ARID4A: variants seen among roughly 807,000 people sequenced by gnomAD.
ARID4A encodes AT-rich interaction domain 4A.
ARID4A carries 39 observed loss-of-function variants against 148.6 expected under a neutral mutation model. That is an observed-to-expected ratio of 0.26 (90% CI 0.20 to 0.34). ARID4A has a LOEUF of 0.34. ARID4A is among the 10% of genes least tolerant of loss of function. The pLI, the probability that ARID4A is intolerant of heterozygous loss-of-function variation, is 1.00. For synonymous variants in ARID4A, 475 were observed against 481.2 expected, an observed-to-expected ratio of 0.99 and a Z score of 0.17; for missense variants, 1,265 against 1,449.1, an observed-to-expected ratio of 0.87 and a Z score of 2.06.
intron 11 of ARID4A, among the ~76,000 whole-genome samples, chr14:58,337,246 TTA>T (rs57605969): frequency 0.025 from 2,056 of 83,790 alleles, 211 homozygotes; most frequent in African/African-American, 0.077. Flanking sequence ...TTCTCTTTAT[TTA>T]TATATATATA....
intron 23 of ARID4A, among the ~76,000 whole-genome samples, chr14:58,368,607 A>G (rs2035460917): frequency 6.6e-6 from 1 of 152,158 alleles, no homozygotes; most frequent in Admixed American, 6.5e-5. Flanking sequence ...ATAGGACAAA[A>G]CTATTCTTAA....
At chr14:58,301,511 T>A in intron 2 of ARID4A, 69 bp from the exon 3 acceptor site, 1 of 1,065,308 alleles carries the variant, frequency 9.4e-7, no homozygotes, top group African/African-American at 1.6e-5. Flanking sequence ...CACAACCTTT[T>A]AATGAGACTT....
intron 18 of ARID4A, among the ~76,000 whole-genome samples, chr14:58,359,836 G>T (rs1271939215): frequency 6.6e-6 from 1 of 152,148 alleles, no homozygotes; most frequent in African/African-American, 2.4e-5. Flanking sequence ...GGAGGCTGAG[G>T]CGGGCGGATC....
chr14:58,348,063 CTTCT>C lies in ARID4A; in HGVS notation c.1404+186_1404+189del, dbSNP rs757895396. On this transcript the variant is annotated intron_variant, in intron 15 of 23. Transcript: ENST00000355431. ...TATTTCCTCTACCTGAAAACCCTTCCTTCTGTTTTCTGTTTATATTCGATCAAGT... is the reference window on the plus strand; with the variant it reads ...TATTTCCTCTACCTGAAAACCCTTCCGTTTTCTGTTTATATTCGATCAAGT... Among the ~76,000 whole-genome samples the C allele has an allele frequency of 3.3e-5, 5 of 152,044 alleles. No individual in the cohort carries two copies. In the East Asian group the frequency reaches 5.8e-4, roughly 18 times the overall value.
chr14:58,348,662 A>G (rs2034489313), intron 15 of ARID4A, among the ~76,000 whole-genome samples: 2 of 152,216 alleles, frequency 1.3e-5, no homozygotes, highest in South Asian at 4.1e-4. Flanking sequence ...TTACCACACT[A>G]TCAAAGAAGT....
rs374148313 is a variant in ARID4A, at chr14:58,299,790, C to T, written c.-57-8C>T. 100 of 1,612,110 alleles carry T rather than the reference C, an allele frequency of 6.2e-5. 1 individual carries two copies. The South Asian group carries it at 1.0e-3, about 16-fold the overall frequency. On this transcript the variant is annotated splice_region_variant and splice_polypyrimidine_tract_variant and intron_variant, in intron 1 of 23. Transcript: ENST00000355431. ...TATGTCTGTGCCTGTCTTTCCCCCT[C>T]CCCATAGTTCTAGCGACTGCGAAGA... is the stretch of plus-strand genomic sequence containing the variant.
chr14:58,311,893 G>A (rs2032062499), intron 5 of ARID4A, among the ~76,000 whole-genome samples: 1 of 139,316 alleles, frequency 7.2e-6, no homozygotes, highest in South Asian at 2.7e-4. Flanking sequence ...TTAGAGAGTA[G>A]AGTGTTGGTT....
At chr14:58,306,263 C>A (rs1436002382) in intron 5 of ARID4A, 151 bp downstream of exon 5, 5 of 523,260 alleles carry the variant, frequency 9.6e-6, no homozygotes, top group Non-Finnish European at 9.8e-6. Flanking sequence ...TAAGAATGCC[C>A]TGTAGGTAAC....
At chr14:58,300,513 T>C (rs1038854394) in intron 2 of ARID4A, among the ~76,000 whole-genome samples, 1 of 152,222 alleles carries the variant, frequency 6.6e-6, no homozygotes, top group African/African-American at 2.4e-5. Context: ...AAAGCATTCC[T>C]ATTCAATTTG....
chr14:58,332,002 C>A (rs1319888153), intron 11 of ARID4A, among the ~76,000 whole-genome samples: 6 of 146,608 alleles, frequency 4.1e-5, no homozygotes, highest in Admixed American at 2.7e-4. Context: ...CCTACCCCCC[C>A]CCCCCCAAAA....
chr14:58,360,844 A>G, intron 18 of ARID4A, 57 bp from the exon 19 acceptor site: 1 of 1,547,882 alleles, frequency 6.5e-7, no homozygotes, highest in Non-Finnish European at 8.8e-7. Flanking sequence ...GATAAGTAGA[A>G]TGTTCATTTT....
chr14:58,317,570 G>A (rs1174969499), intron 5 of ARID4A, among the ~76,000 whole-genome samples: 1 of 149,810 alleles, frequency 6.7e-6, no homozygotes, highest in African/African-American at 2.5e-5. Context: ...GATTACAGAC[G>A]TGAGCCACCG....
intron 11 of ARID4A, among the ~76,000 whole-genome samples, chr14:58,332,241 TAAGG>T (rs1382380722): frequency 8.5e-5 from 13 of 152,066 alleles, no homozygotes. Context: ...TTTTTAAAGA[TAAGG>T]AAGCTTACAA....
chr14:58,308,176 C>T (rs752265810), intron 5 of ARID4A, among the ~76,000 whole-genome samples: 1 of 152,178 alleles, frequency 6.6e-6, no homozygotes, highest in Non-Finnish European at 1.5e-5. Flanking sequence ...TAAGCATTCT[C>T]TATGGTGATT....
intron 11 of ARID4A, among the ~76,000 whole-genome samples, chr14:58,340,527 T>G (rs1360784092): frequency 1.3e-5 from 2 of 152,190 alleles, no homozygotes; most frequent in Non-Finnish European, 2.9e-5. Flanking sequence ...TTTTTTGCAT[T>G]TTAGTAGAGA....
At chr14:58,306,963 A>G (rs766403925) in intron 5 of ARID4A, among the ~76,000 whole-genome samples, 2 of 152,228 alleles carry the variant, frequency 1.3e-5, no homozygotes, top group Non-Finnish European at 1.5e-5. Flanking sequence ...GCATAAGCTT[A>G]TACTGGCTTT....
Position 58,314,371 on chromosome 14 carries a change from T to C in ARID4A, c.275-4171T>C, listed in dbSNP as rs558555887. Among the ~76,000 whole-genome samples the C allele has an allele frequency of 3.9e-4, 59 of 152,336 alleles. 1 individual carries two copies. The highest frequency in any genetic ancestry group is 1.4e-3 in the African/African-American group (58 of 41,586). On this transcript the variant is annotated intron_variant, in intron 5 of 23. Transcript: ENST00000355431. ...CTTTCTTTTAGATGGAGCTTCTTCA[T>C]GGTTTTGATCATCAGGGATGTCATG...
chr14:58,366,211 T>C lies in ARID4A; in HGVS notation c.3504T>C (p.Tyr1168=), dbSNP rs2140273480. 3 of 1,613,354 alleles carry C rather than the reference T, an allele frequency of 1.9e-6. No individual in the cohort carries two copies. Among genetic ancestry groups the C allele is most frequent in the African/African-American group, 1.3e-5 (1 of 74,992 alleles). Residue 1168 remains tyrosine, a synonymous_variant, in exon 22 of 24, where the codon TAT becomes TAC. Coordinates refer to ENST00000355431, the MANE Select transcript of ARID4A (RefSeq NM_002892.4). ...ATCCGAATTCATCCCCTAGGACATA[T>C]AAATGGAGCTTTCAGCTCAGTAAGA... ...EKHPNSSPRT[Y]KWSFQLNELD...
At chr14:58,328,111 T>G in intron 8 of ARID4A, 126 bp from the exon 9 acceptor site, 1 of 671,226 alleles carries the variant, frequency 1.5e-6, no homozygotes, top group South Asian at 1.8e-5. Context: ...CTATTTATAA[T>G]GAAGCTGTTT....
Sources: gnomAD v4.1 joint callset for allele counts (sites outside exome capture counted in the v4.1 genomes callset) on GRCh38, gnomAD v4.1.1 for gene constraint, MANE v1.5 for transcripts, NCBI Gene and HGNC (gene_info 2026-07-23, HGNC 2026-07-21) for gene names.